WWC2: variants seen among roughly 807,000 people sequenced by gnomAD.
WWC2 encodes the protein WW and C2 domain containing 2.
In WWC2, 101 loss-of-function variants were observed where a neutral mutation model predicts 138.5. That is an observed-to-expected ratio of 0.73 (90% CI 0.62 to 0.86). WWC2 has a LOEUF of 0.86. WWC2 is among the 40% of genes least tolerant of loss of function. WWC2 has a pLI of 0.00. For missense variants in WWC2, 1,420 were observed against 1,419.4 expected (o/e 1.00, Z -0.01); for synonymous variants, 558 against 538.4 (o/e 1.04, Z -0.50).
Position 183,253,860 on chromosome 4 carries a change from G to T in WWC2, c.1057G>T (p.Glu353Ter). Residue 353 changes from glutamate to a stop codon, truncating the protein, a stop_gained, in exon 9 of 23, where the codon GAA (glutamate) becomes TAA (stop). Coordinates refer to ENST00000403733, the MANE Select transcript of WWC2 (RefSeq NM_024949.6). LOFTEE classifies it high-confidence loss of function. ...ACTGATGCTGATTAATGAAAAAGAA[G>T]AACTTTTGAAAGAGCTTCAGTTCGT... ...EKLMLINEKE[E>*]LLKELQFVTP... is the part of the protein sequence containing the mutation. 1 of 1,613,702 alleles carries T rather than the reference G, an allele frequency of 6.2e-7. No individual in the cohort carries two copies. The highest frequency in any genetic ancestry group is 8.5e-7 in the Non-Finnish European group (1 of 1,179,808).
chr4:183,133,909 C>A (rs1733027141), intron 1 of WWC2, among the ~76,000 whole-genome samples: 1 of 152,168 alleles, frequency 6.6e-6, no homozygotes, highest in Non-Finnish European at 1.5e-5. Flanking sequence ...ATATTTATTT[C>A]TTGACTGGTT....
At chr4:183,135,864 C>T (rs1387070917) in intron 1 of WWC2, among the ~76,000 whole-genome samples, 1 of 152,190 alleles carries the variant, frequency 6.6e-6, no homozygotes, top group African/African-American at 2.4e-5. Flanking sequence ...TCACAGTACA[C>T]TGTTGATACA....
intron 1 of WWC2, among the ~76,000 whole-genome samples, chr4:183,127,757 AT>A (rs1732804153): frequency 6.6e-6 from 1 of 152,124 alleles, no homozygotes; most frequent in Non-Finnish European, 1.5e-5. Context: ...GTACAATACA[AT>A]TTTTTAATTG....
At chr4:183,283,122 G>C (rs1207242510) in intron 18 of WWC2, among the ~76,000 whole-genome samples, 1 of 152,162 alleles carries the variant, frequency 6.6e-6, no homozygotes, top group Non-Finnish European at 1.5e-5. Context: ...TATATTTGGA[G>C]AATATATAAG....
intron 1 of WWC2, among the ~76,000 whole-genome samples, chr4:183,134,595 A>G (rs546669559): frequency 5.5e-4 from 84 of 152,178 alleles, no homozygotes; most frequent in African/African-American, 2.0e-3. Flanking sequence ...TTTATTGCTC[A>G]GGTGTTTTAT....
intron 1 of WWC2, among the ~76,000 whole-genome samples, chr4:183,123,600 A>G (rs1248853434): frequency 1.3e-5 from 2 of 152,154 alleles, no homozygotes; most frequent in African/African-American, 4.8e-5. Context: ...AAAGATATCT[A>G]CAGTTCTTTG....
rs1004985874 is a variant in WWC2 at position 183,305,501 on chromosome 4, G to T, written c.3385-6840G>T. Among the ~76,000 whole-genome samples the T allele has an allele frequency of 2.0e-5, 3 of 151,144 alleles. No individual in the cohort carries two copies. In the East Asian group the frequency reaches 5.8e-4, roughly 29 times the overall value. On this transcript the variant is annotated intron_variant, in intron 21 of 22. Coordinates refer to ENST00000403733, the MANE Select transcript of WWC2 (RefSeq NM_024949.6). ...AGAAAATTAAAAATTAAAAAATTTT[G>T]AAAGAAGCCAGAGGGGGAAAAAAGC...
At chr4:183,202,056 T>C (rs1285520594) in intron 2 of WWC2, among the ~76,000 whole-genome samples, 1 of 152,228 alleles carries the variant, frequency 6.6e-6, no homozygotes, top group East Asian at 1.9e-4. Context: ...GCCCAGAGCC[T>C]GTATTGTGGT....
intron 1 of WWC2, among the ~76,000 whole-genome samples, chr4:183,132,930 A>G (rs1388787064): frequency 6.7e-6 from 1 of 149,284 alleles, no homozygotes; most frequent in Non-Finnish European, 1.5e-5. Context: ...TGACTTATCA[A>G]TACTTTATTA....
At chr4:183,119,713 C>T (rs549006735) in intron 1 of WWC2, among the ~76,000 whole-genome samples, 2 of 152,250 alleles carry the variant, frequency 1.3e-5, no homozygotes, top group South Asian at 4.2e-4. Flanking sequence ...CTTAGGATAA[C>T]TCCAAAAGAT....
intron 2 of WWC2, among the ~76,000 whole-genome samples, chr4:183,199,229 G>T (rs1258767908): frequency 6.6e-6 from 1 of 152,200 alleles, no homozygotes. Context: ...AGGCTGGTGT[G>T]ACTGGGGTAA....
chr4:183,149,854 G>A (rs748058616), intron 1 of WWC2, among the ~76,000 whole-genome samples: 27 of 151,938 alleles, frequency 1.8e-4, no homozygotes, highest in Non-Finnish European at 2.8e-4. Flanking sequence ...ATTAATATGG[G>A]GTTGCAAAAC....
At chr4:183,100,623 T>G (rs1743148404) in intron 1 of WWC2, among the ~76,000 whole-genome samples, 1 of 152,250 alleles carries the variant, frequency 6.6e-6, no homozygotes. Flanking sequence ...TTTATATACT[T>G]TTTAGGTGCT....
intron 1 of WWC2, among the ~76,000 whole-genome samples, chr4:183,128,340 G>GA (rs1001747125): frequency 6.1e-5 from 9 of 146,720 alleles, no homozygotes; most frequent in Non-Finnish European, 9.0e-5. Flanking sequence ...CTGTCTCAAA[G>GA]AAAAAAAAAA....
chr4:183,136,559 C>T (rs775592298), intron 1 of WWC2, among the ~76,000 whole-genome samples: 2 of 152,106 alleles, frequency 1.3e-5, no homozygotes, highest in African/African-American at 2.4e-5. Context: ...CTTTGCTTAA[C>T]GATGGGGATA....
At chr4:183,299,094 C>T (rs988146314) in intron 21 of WWC2, among the ~76,000 whole-genome samples, 2 of 152,064 alleles carry the variant, frequency 1.3e-5, no homozygotes, top group African/African-American at 2.4e-5. Context: ...GCTGGAAAGT[C>T]CAAGATCCAG....
In WWC2 at chr4:183,316,222, G is replaced by A. The variant is rs570298058; in HGVS notation, c.*493G>A. The A allele has an allele frequency of 1.3e-4, 20 of 154,398 alleles. No individual in the cohort carries two copies. The highest frequency in any genetic ancestry group is 4.0e-4 in the South Asian group (2 of 4,994). The allele number at this position is 154,398 out of a possible 1,614,324, so 9.6% of individuals were successfully genotyped here. A position where few individuals can be genotyped will look rare whatever the true frequency, so the allele number is the denominator to read the frequency against. Reference sequence around the variant, plus strand: ...GTGTGAGCACACGCTGGAGTGCAGCGTTCCAAAGTCCGCCCGAAATGGATG... The same window carrying A: ...GTGTGAGCACACGCTGGAGTGCAGCATTCCAAAGTCCGCCCGAAATGGATG... On this transcript the variant is annotated 3_prime_UTR_variant, in exon 23 of 23. Transcript: ENST00000403733.
chr4:183,165,318 C>T (rs1201268553), intron 1 of WWC2, among the ~76,000 whole-genome samples: 2 of 152,166 alleles, frequency 1.3e-5, no homozygotes, highest in Admixed American at 6.5e-5. Context: ...AAGCCTTCTT[C>T]TTTCCTCCTA....
intron 21 of WWC2, among the ~76,000 whole-genome samples, chr4:183,305,811 T>C (rs1184812972): frequency 6.6e-6 from 1 of 152,198 alleles, no homozygotes; most frequent in Non-Finnish European, 1.5e-5. Flanking sequence ...CATGGATCTA[T>C]GTAAACAAAG....
Sources: gnomAD v4.1 joint callset for allele counts (sites outside exome capture counted in the v4.1 genomes callset) on GRCh38, gnomAD v4.1.1 for gene constraint, MANE v1.5 for transcripts, NCBI Gene and HGNC (gene_info 2026-07-23, HGNC 2026-07-21) for gene names.